The following XKR4 variants were observed in gnomAD, a reference collection of about 807,000 sequenced individuals.
XKR4 encodes the protein XK related 4, also known as XK-related protein 4.
A neutral mutation model predicts 53.9 loss-of-function variants in XKR4; 12 were observed. The ratio of observed to expected loss-of-function variants is 0.22; its 90% confidence interval spans 0.14 to 0.36. The LOEUF (loss-of-function observed/expected upper bound fraction) is 0.36, where lower values mean the gene tolerates loss of function less well. Among genes scored for constraint, XKR4 ranks in the 10% least tolerant of loss-of-function variants. The pLI is 1.00. For missense variants in XKR4, 799 were observed against 859.5 expected, an observed-to-expected ratio of 0.93 and a Z score of 0.88; for synonymous variants, 354 against 362.4, an observed-to-expected ratio of 0.98 and a Z score of 0.26.
chr8:55,440,662 C>T (rs192760813), intron 2 of XKR4, among the ~76,000 whole-genome samples: 1 of 151,852 alleles, frequency 6.6e-6, no homozygotes, highest in East Asian at 1.9e-4. Context: ...GAGCAGAAAA[C>T]AAGAGCCCAA....
At chr8:55,188,521 G>A (rs567519298) in intron 1 of XKR4, among the ~76,000 whole-genome samples, 3 of 152,284 alleles carry the variant, frequency 2.0e-5, no homozygotes, top group East Asian at 3.9e-4. Context: ...TCGTTCAACA[G>A]CTCCTGTCTC....
At chr8:55,370,974 A>C (rs1481408633) in intron 2 of XKR4, among the ~76,000 whole-genome samples, 1 of 151,674 alleles carries the variant, frequency 6.6e-6, no homozygotes, top group Non-Finnish European at 1.5e-5. Flanking sequence ...TGCTCTCCAA[A>C]ATTTCAGTCT....
intron 1 of XKR4, among the ~76,000 whole-genome samples, chr8:55,300,789 G>A (rs1029547525): frequency 1.3e-5 from 2 of 152,140 alleles, no homozygotes; most frequent in Non-Finnish European, 2.9e-5. Context: ...CCCAACAAAG[G>A]TGAAGCCATC....
chr8:55,162,296 C>T (rs1209427295), intron 1 of XKR4, among the ~76,000 whole-genome samples: 4 of 152,282 alleles, frequency 2.6e-5, no homozygotes, highest in African/African-American at 9.6e-5. Context: ...TCCTTGACAT[C>T]CAGCACTGTC....
chr8:55,519,365 A>G (rs1466924344), intron 2 of XKR4, among the ~76,000 whole-genome samples: 1 of 152,228 alleles, frequency 6.6e-6, no homozygotes, highest in Non-Finnish European at 1.5e-5. Context: ...AGGAATCGTC[A>G]TATTTTAGTA....
At chr8:55,445,047 TTTTTTG>T (rs937529417) in intron 2 of XKR4, among the ~76,000 whole-genome samples, 3 of 152,166 alleles carry the variant, frequency 2.0e-5, no homozygotes, top group Non-Finnish European at 2.9e-5. Flanking sequence ...TGAATTTTGT[TTTTTTG>T]TTTTTGTTTT....
In XKR4 at chr8:55,531,905, G is replaced by A. The variant is rs1025742962; in HGVS notation, c.*7678G>A. On this transcript the variant is annotated 3_prime_UTR_variant, in exon 3 of 3. Transcript: ENST00000327381. ...GCCCAGAAGAGCAGCACTGTGCTGC[G>A]TGACAATTTCAGGAGTCAGGAGTCA... 2.0e-5 allele frequency: 3 copies of A among 152,378 alleles called. No homozygotes were observed. The highest frequency in any genetic ancestry group is 2.9e-5 in the Non-Finnish European group (2 of 68,046). The allele number at this position is 152,378 out of a possible 1,614,324, so 9.4% of individuals were successfully genotyped here.
At chr8:55,410,823 G>A (rs563253836) in intron 2 of XKR4, among the ~76,000 whole-genome samples, 162 of 152,258 alleles carry the variant, frequency 1.1e-3, no homozygotes, top group African/African-American at 3.0e-3. Flanking sequence ...ACCCACCTTT[G>A]TTTGGATTCA....
chr8:55,210,367 A>G (rs1258011052), intron 1 of XKR4, among the ~76,000 whole-genome samples: 2 of 152,154 alleles, frequency 1.3e-5, no homozygotes, highest in Non-Finnish European at 2.9e-5. Flanking sequence ...TACAGGCATG[A>G]ACCACCACAT....
In XKR4 at chr8:55,405,290, A is replaced by G. The variant is rs1300532588; in HGVS notation, c.1006+47413A>G. ...CAAGCTGAGAGGGGCCAGAGAGAGG[A>G]CATGGAAATCTAATAGCAGCAGACA... On this transcript the variant is annotated intron_variant, in intron 2 of 2. Transcript: ENST00000327381. Among the ~76,000 whole-genome samples, 6 of 152,306 alleles carry G rather than the reference A, an allele frequency of 3.9e-5. No individual in the cohort carries two copies. The East Asian group carries it at 7.7e-4, about 20-fold the overall frequency.
At chr8:55,319,484 A>C (rs117243477) in intron 1 of XKR4, among the ~76,000 whole-genome samples, 2,032 of 152,314 alleles carry the variant, frequency 0.013, 20 homozygotes, top group Non-Finnish European at 0.021. Context: ...GATGTTTCTA[A>C]AGGCCATTCC....
chr8:55,281,472 A>G (rs946129188), intron 1 of XKR4, among the ~76,000 whole-genome samples: 2 of 152,192 alleles, frequency 1.3e-5, no homozygotes, highest in African/African-American at 4.8e-5. Flanking sequence ...AAAATGGGAA[A>G]TGGGAAGTCC....
intron 2 of XKR4, chr8:55,452,921 C>T: frequency 1.3e-6 from 1 of 795,438 alleles, no homozygotes; most frequent in Non-Finnish European, 2.2e-6. Flanking sequence ...CCTGGCTGAA[C>T]ACTGTGCTCT....
intron 2 of XKR4, among the ~76,000 whole-genome samples, chr8:55,488,230 G>A (rs573075299): frequency 1.3e-5 from 2 of 152,284 alleles, no homozygotes; most frequent in East Asian, 1.9e-4. Context: ...ATGAGGATGC[G>A]GGGCAACAGG....
intron 2 of XKR4, among the ~76,000 whole-genome samples, chr8:55,518,210 C>T (rs1233747594): frequency 2.0e-5 from 3 of 152,192 alleles, no homozygotes; most frequent in African/African-American, 7.2e-5. Flanking sequence ...ACAAACAACA[C>T]AACAGGAGTT....
chr8:55,540,310 C>A lies in XKR4; in HGVS notation c.*16083C>A, dbSNP rs904289872. ...AAGTGATAGAAAACATATGGAAATT[C>A]TCTTTTGATCAAAAGGAGTGTCTCC... On this transcript the variant is annotated 3_prime_UTR_variant, in exon 3 of 3. Transcript: ENST00000327381. 2 of 152,212 alleles carry A rather than the reference C, an allele frequency of 1.3e-5. No individual in the cohort carries two copies. Among genetic ancestry groups the A allele is most frequent in the Non-Finnish European group, 2.9e-5 (2 of 68,032 alleles). The allele number at this position is 152,212 out of a possible 1,614,324, so 9.4% of individuals were successfully genotyped here. A position where few individuals can be genotyped will look rare whatever the true frequency, so the allele number is the denominator to read the frequency against.
chr8:55,465,014 A>G (rs1398085127), intron 2 of XKR4, among the ~76,000 whole-genome samples: 2 of 152,146 alleles, frequency 1.3e-5, no homozygotes, highest in African/African-American at 4.8e-5. Flanking sequence ...AGAACATTCC[A>G]TGCTCATGGG....
intron 2 of XKR4, among the ~76,000 whole-genome samples, chr8:55,440,666 A>G (rs1805251154): frequency 1.3e-5 from 2 of 152,202 alleles, no homozygotes. Flanking sequence ...AGAAAACAAG[A>G]GCCCAAAAGA....
chr8:55,151,210 C>CTTCTTTAACAAGATTTAATAA (rs1816835617), intron 1 of XKR4, among the ~76,000 whole-genome samples: 1 of 152,228 alleles, frequency 6.6e-6, no homozygotes. Context: ...AATAGCACCA[C>CTTCTTTAACAAGATTTAATAA]TATCTTGTTA....
Sources: gnomAD v4.1 joint callset for allele counts (sites outside exome capture counted in the v4.1 genomes callset) on GRCh38, gnomAD v4.1.1 for gene constraint, MANE v1.5 for transcripts, NCBI Gene and HGNC (gene_info 2026-07-23, HGNC 2026-07-21) for gene names.